Variants in PDCD2 observed in about 807,000 individuals in gnomAD.
The protein encoded by PDCD2 is programmed cell death 2, also known as uS5 assembly chaperone PDCD2.
A neutral mutation model predicts 38.1 loss-of-function variants in PDCD2; 38 were observed. The observed-to-expected ratio is 1.00, with a 90% confidence interval of 0.77 to 1.31. The LOEUF (loss-of-function observed/expected upper bound fraction) is 1.31, where lower values mean the gene tolerates loss of function less well. Among genes scored for constraint, PDCD2 ranks in the 50% most tolerant of loss-of-function variants. The pLI, the probability that PDCD2 is intolerant of heterozygous loss-of-function variation, is 0.00. For missense variants in PDCD2, 473 were observed against 435.7 expected, an observed-to-expected ratio of 1.09 and a Z score of -0.76; for synonymous variants, 205 against 168.9, an observed-to-expected ratio of 1.21 and a Z score of -1.66.
intron 4 of PDCD2, chr6:170,579,801 C>A: frequency 2.0e-6 from 1 of 494,512 alleles, no homozygotes; most frequent in Non-Finnish European, 3.6e-6. Context: ...CTTTTAGTAA[C>A]TATTAAATGG....
chr6:170,582,374 A>G (rs1779636150), intron 3 of PDCD2: 1 of 1,523,128 alleles, frequency 6.6e-7, no homozygotes, highest in African/African-American at 1.4e-5. Context: ...TTTTGAGTCT[A>G]TAAATCTAAT....
At chr6:170,579,767 A>G in intron 4 of PDCD2, 1 of 340,634 alleles carries the variant, frequency 2.9e-6, no homozygotes. Context: ...TGAACCCTGT[A>G]TGATAAACAG....
intron 3 of PDCD2, chr6:170,582,211 T>C: frequency 2.8e-6 from 4 of 1,450,982 alleles, no homozygotes; most frequent in Non-Finnish European, 3.7e-6. Flanking sequence ...TTATTTGGGC[T>C]CCTCCATAAG....
At position 170,577,516 on chromosome 6, in the gene PDCD2, G is replaced by A; in HGVS notation, c.*43C>T. The A allele has an allele frequency of 6.6e-7, 1 of 1,512,276 alleles. No homozygotes were observed. Among genetic ancestry groups the A allele is most frequent in the Non-Finnish European group, 9.1e-7 (1 of 1,094,482 alleles). 93.7% of individuals were successfully genotyped at this position (1,512,276 alleles called of 1,614,324 possible). A position where few individuals can be genotyped will look rare whatever the true frequency, so the allele number is the denominator to read the frequency against. On this transcript the variant is annotated 3_prime_UTR_variant, in exon 6 of 6. Transcript: ENST00000541970. Reference sequence around the variant, plus strand: ...TAAAATCCCAGAAATGGAATTGCAAGGTATAAAAGATTATTAACATTTTTC... The same window carrying A: ...TAAAATCCCAGAAATGGAATTGCAAAGTATAAAAGATTATTAACATTTTTC...
chr6:170,580,117 A>C lies in PDCD2; in HGVS notation c.659-12T>G. 6.6e-7 allele frequency: 1 copy of C among 1,515,490 alleles called. No homozygotes were observed. The highest frequency in any genetic ancestry group is 9.2e-7 in the Non-Finnish European group (1 of 1,092,498). 93.9% of individuals were successfully genotyped at this position (1,515,490 alleles called of 1,614,324 possible). On this transcript the variant is annotated splice_polypyrimidine_tract_variant and intron_variant, in intron 3 of 5. Transcript: ENST00000541970. ...CTCAAGTGCTTCACCTGAAAAATCA[A>C]CGTAACTATTATGAAAAACAGGAGT...
At chr6:170,579,285 C>T (rs1779529212) in intron 4 of PDCD2, 2 of 245,076 alleles carry the variant, frequency 8.2e-6, no homozygotes, top group Non-Finnish European at 7.7e-6. Flanking sequence ...AGCCTCTGCT[C>T]TAATTGCAGA....
intron 3 of PDCD2, chr6:170,581,096 A>G (rs184793174): frequency 2.0e-5 from 3 of 152,278 alleles, no homozygotes; most frequent in Non-Finnish European, 2.9e-5. Context: ...GCATTTTTCT[A>G]TTCAATTCTC....
At chr6:170,582,717 C>A (rs1583143305) in intron 3 of PDCD2, 3 of 1,230,580 alleles carry the variant, frequency 2.4e-6, no homozygotes, top group Non-Finnish European at 3.0e-6. Context: ...AGGGGCCCTT[C>A]TGCGTGCCCG....
At position 170,577,331 on chromosome 6, in the gene PDCD2, G is replaced by T. The variant is rs981015592; in HGVS notation, c.*228C>A. The T allele has an allele frequency of 6.5e-6, 3 of 462,926 alleles. No individual in the cohort carries two copies. The highest frequency in any genetic ancestry group is 1.2e-5 in the Non-Finnish European group (3 of 255,710). The allele number at this position is 462,926 out of a possible 1,614,324, so 28.7% of individuals were successfully genotyped here. A position where few individuals can be genotyped will look rare whatever the true frequency, so the allele number is the denominator to read the frequency against. On this transcript the variant is annotated 3_prime_UTR_variant, in exon 6 of 6. Coordinates refer to ENST00000541970, the MANE Select transcript of PDCD2 (RefSeq NM_002598.4). The stretch of plus-strand genomic sequence containing the variant: ...AATGGTATGTCTGTTGTCAATATAG[G>T]TGTTATAATTAAGACTGTGTAGCCT...
chr6:170,582,262 A>G, intron 3 of PDCD2: 1 of 1,467,652 alleles, frequency 6.8e-7, no homozygotes, highest in East Asian at 2.5e-5. Flanking sequence ...TTCCCATTAT[A>G]TCCCTGTTAT....
rs1779478309 is a variant in PDCD2 at position 170,577,525 on chromosome 6, GATT to G, written c.*31_*33del. ...AGAAATGGAATTGCAAGGTATAAAA[GATT>G]ATTAACATTTTTCAAGGCTTTAAGA... On this transcript the variant is annotated 3_prime_UTR_variant, in exon 6 of 6. Transcript: ENST00000541970. The G allele has an allele frequency of 1.9e-6, 3 of 1,574,212 alleles. No homozygotes were observed. The highest frequency in any genetic ancestry group is 1.3e-5 in the African/African-American group (1 of 74,116).
chr6:170,582,163 C>CT (rs1779627483), intron 3 of PDCD2: 1 of 1,526,986 alleles, frequency 6.5e-7, no homozygotes, highest in African/African-American at 1.4e-5. Context: ...GTATTGTACT[C>CT]TTATCAGTCA....
At position 170,583,104 on chromosome 6, in the gene PDCD2, G is replaced by C; in HGVS notation, c.611C>G (p.Pro204Arg). The C allele has an allele frequency of 6.2e-7, 1 of 1,612,766 alleles. No homozygotes were observed. The highest frequency in any genetic ancestry group is 8.5e-7 in the Non-Finnish European group (1 of 1,179,172). The change falls in exon 3 of 6, where the codon CCT (proline) becomes CGT (arginine). Residue 204 changes from proline (P) to arginine (R), a missense_variant. Transcript: ENST00000541970. ...IVIETEDEIM[P>R]EVVEKEDYSE... ...GTAATCTTCCTTTTCCACAACCTCA[G>C]GCATAATCTCATCTTCTGTTTCTAT...
chr6:170,577,813 A>G (rs17860832), intron 5 of PDCD2, 96 bp from the exon 6 acceptor site: 48,090 of 1,092,974 alleles, frequency 0.044, 1,251 homozygotes, highest in Middle Eastern at 0.092. Flanking sequence ...TGGTCTTTCA[A>G]TCCTCATACT....
In PDCD2 at chr6:170,577,737, CAGTT is replaced by C. The variant is rs750832643; in HGVS notation, c.877-24_877-21del. On this transcript the variant is annotated intron_variant, in intron 5 of 5. Transcript: ENST00000541970. ...CATGACCTGAGAAGAGGGTGACACA[CAGTT>C]AGAAAGCTGCTTCACAGCAGGGAGC... The C allele has an allele frequency of 9.9e-6, 16 of 1,610,780 alleles. No individual in the cohort carries two copies. The highest frequency in any genetic ancestry group is 4.0e-5 in the African/African-American group (3 of 74,828).
chr6:170,584,499 G>C lies in PDCD2; in HGVS notation c.83C>G (p.Pro28Arg). 1 of 1,357,414 alleles carries C rather than the reference G, an allele frequency of 7.4e-7. No homozygotes were observed. Among genetic ancestry groups the C allele is most frequent in the Non-Finnish European group, 9.5e-7 (1 of 1,057,960 alleles). 84.1% of individuals were successfully genotyped at this position (1,357,414 alleles called of 1,614,324 possible). The change falls in exon 1 of 6, where the codon CCC becomes CGC. Residue 28 changes from proline (P) to arginine (R), a missense_variant. Transcript: ENST00000541970. ...PAWRLRSEQFPSKVGGRPAWL... is the reference protein window; with the variant it reads ...PAWRLRSEQFRSKVGGRPAWL... Reference sequence around the variant, plus strand: ...TGCCGGCCGCCCGCCCACCTTGCTGGGGAACTGCTCGCTGCGCAGTCGCCA... The same window carrying C: ...TGCCGGCCGCCCGCCCACCTTGCTGCGGAACTGCTCGCTGCGCAGTCGCCA...
In PDCD2 at chr6:170,578,913, G is replaced by A; in HGVS notation, c.820C>T (p.Gln274Ter). ...PIWISGENIP[Q>*]EKDIPDCPCG... ...GGGCAATCTGGAATATCCTTTTCTT[G>A]AGGAATATTTTCACCAGAAATCCAG... is the stretch of plus-strand genomic sequence containing the variant. The change falls in exon 5 of 6, where the codon CAA becomes TAA. Residue 274 changes from glutamine (Q) to a stop codon, truncating the protein, a stop_gained. Coordinates refer to ENST00000541970, the MANE Select transcript of PDCD2 (RefSeq NM_002598.4). LOFTEE classifies it high-confidence loss of function. 6.2e-7 allele frequency: 1 copy of A among 1,607,676 alleles called. No individual in the cohort carries two copies. The highest frequency in any genetic ancestry group is 1.1e-5 in the South Asian group (1 of 89,570).
Position 170,584,584 on chromosome 6 carries a change from G to C in PDCD2, c.-3C>G. 2 of 1,264,882 alleles carry C rather than the reference G, an allele frequency of 1.6e-6. No homozygotes were observed. The highest frequency in any genetic ancestry group is 2.0e-6 in the Non-Finnish European group (2 of 1,007,180). The allele number at this position is 1,264,882 out of a possible 1,614,324, so 78.4% of individuals were successfully genotyped here. ...GGCCTGGCCCCGGCGGCAGCCATGCGGGGCGCGGGCTGGCGTGGGGCGCAG... is the reference window on the plus strand; with the variant it reads ...GGCCTGGCCCCGGCGGCAGCCATGCCGGGCGCGGGCTGGCGTGGGGCGCAG... On this transcript the variant is annotated 5_prime_UTR_variant, in exon 1 of 6. Coordinates refer to ENST00000541970, the MANE Select transcript of PDCD2 (RefSeq NM_002598.4).
At chr6:170,583,781 A>T (rs777021151) in intron 1 of PDCD2, 34 bp from the exon 2 acceptor site, 1 of 1,519,308 alleles carries the variant, frequency 6.6e-7, no homozygotes, top group East Asian at 2.3e-5. Flanking sequence ...TTTTATCTTC[A>T]AACAAAACAG....
Sources: allele counts gnomAD v4.1 joint callset, GRCh38; gene constraint gnomAD v4.1.1; transcripts MANE v1.5; gene names NCBI Gene and HGNC (gene_info 2026-07-23, HGNC 2026-07-21).